The following FAT3 variants were observed in gnomAD, a reference collection of about 807,000 sequenced individuals.
FAT3 encodes protocadherin Fat 3.
Under a neutral mutation model 310.2 loss-of-function variants are expected in FAT3, and 95 were observed. The ratio of observed to expected loss-of-function variants is 0.31; its 90% CI spans 0.26 to 0.36. The LOEUF (loss-of-function observed/expected upper bound fraction) is 0.36, where lower values mean the gene tolerates loss of function less well. Ranked by LOEUF, FAT3 falls within the 10% of genes least tolerant of loss-of-function variation. The pLI, the probability that FAT3 is intolerant of heterozygous loss-of-function variation, is 1.00. For missense variants in FAT3, 5,408 were observed against 5,715.6 expected, an observed-to-expected ratio of 0.95 and a Z score of 1.74; for synonymous variants, 2,314 against 2,192.9, an observed-to-expected ratio of 1.06 and a Z score of -1.54.
intron 10 of FAT3, among the ~76,000 whole-genome samples, chr11:92,803,529 G>A (rs1222939056): frequency 6.6e-6 from 1 of 152,184 alleles, no homozygotes; most frequent in African/African-American, 2.4e-5. Flanking sequence ...CAGTGGTGAA[G>A]GAAAGTGATA....
At chr11:92,867,250 A>T (rs1949273618) in intron 22 of FAT3, 41 bp downstream of exon 22, 2 of 1,496,656 alleles carry the variant, frequency 1.3e-6, no homozygotes, top group Middle Eastern at 2.3e-4. Context: ...TGGGGGTTTG[A>T]GGGGAGAGTG....
At chr11:92,234,729 G>T (rs777735193) in intron 1 of FAT3, among the ~76,000 whole-genome samples, 1 of 151,882 alleles carries the variant, frequency 6.6e-6, no homozygotes, top group Non-Finnish European at 1.5e-5. Flanking sequence ...TGGTGAAACC[G>T]TATCTCTACT....
At chr11:92,610,805 C>T (rs555421871) in intron 3 of FAT3, among the ~76,000 whole-genome samples, 1 of 152,316 alleles carries the variant, frequency 6.6e-6, no homozygotes, top group African/African-American at 2.4e-5. Flanking sequence ...TGCTCACTTA[C>T]AGTGCCTGGC....
chr11:92,537,209 C>T (rs943594428), intron 3 of FAT3, among the ~76,000 whole-genome samples: 7 of 152,188 alleles, frequency 4.6e-5, no homozygotes, highest in East Asian at 1.9e-4. Context: ...GCCCTGAGAC[C>T]GTCTCTATCT....
At chr11:92,520,061 A>G (rs1321803924) in intron 2 of FAT3, among the ~76,000 whole-genome samples, 1 of 152,158 alleles carries the variant, frequency 6.6e-6, no homozygotes, top group East Asian at 1.9e-4. Flanking sequence ...TTTATTTGTA[A>G]TGGTTAAAAA....
At chr11:92,429,920 C>T (rs185056728) in intron 2 of FAT3, among the ~76,000 whole-genome samples, 7 of 152,188 alleles carry the variant, frequency 4.6e-5, no homozygotes, top group Admixed American at 4.6e-4. Context: ...TGAATGTTGG[C>T]CTGTCTTGCT....
intron 13 of FAT3, among the ~76,000 whole-genome samples, chr11:92,820,047 A>G (rs1947920102): frequency 6.6e-6 from 1 of 152,200 alleles, no homozygotes; most frequent in East Asian, 1.9e-4. Context: ...AGCAGAAGTG[A>G]TGATATCACT....
chr11:92,339,018 G>T (rs1179750259), intron 1 of FAT3, among the ~76,000 whole-genome samples: 1 of 152,184 alleles, frequency 6.6e-6, no homozygotes, highest in Non-Finnish European at 1.5e-5. Context: ...CAGCAGAAGA[G>T]CTCTATGCAG....
chr11:92,732,833 C>G (rs1244534984), intron 4 of FAT3, among the ~76,000 whole-genome samples: 2 of 152,174 alleles, frequency 1.3e-5, no homozygotes, highest in Non-Finnish European at 2.9e-5. Flanking sequence ...ACAAATGACC[C>G]TCCACCTGTC....
intron 7 of FAT3, among the ~76,000 whole-genome samples, chr11:92,788,123 G>A (rs1565593529): frequency 6.6e-6 from 1 of 152,082 alleles, no homozygotes; most frequent in Non-Finnish European, 1.5e-5. Context: ...TGGATAATGG[G>A]AAAATGCACA....
At position 92,806,551 on chromosome 11, in the gene FAT3, G is replaced by A. The variant is rs367543703; in HGVS notation, c.9247+36G>A. The stretch of plus-strand genomic sequence containing the variant: ...ATTTATTATTGAGATAAATGTCATT[G>A]TTAATTCATGAGAGAAGTTAAACTT... On this transcript the variant is annotated intron_variant, in intron 12 of 27. Coordinates refer to ENST00000525166, the MANE Select transcript of FAT3 (RefSeq NM_001367949.2). 1.3e-5 allele frequency: 19 copies of A among 1,507,614 alleles called. 1 individual carries two copies. The African/African-American group carries it at 1.8e-4, about 14-fold the overall frequency. The allele number at this position is 1,507,614 out of a possible 1,614,324, so 93.4% of individuals were successfully genotyped here.
chr11:92,365,738 C>T (rs1949002253), intron 2 of FAT3, among the ~76,000 whole-genome samples: 1 of 152,206 alleles, frequency 6.6e-6, no homozygotes, highest in Non-Finnish European at 1.5e-5. Flanking sequence ...AGGCATTTCA[C>T]TGCCTTGAAA....
intron 2 of FAT3, among the ~76,000 whole-genome samples, chr11:92,372,909 C>T (rs1180474027): frequency 2.6e-5 from 4 of 152,126 alleles, no homozygotes; most frequent in Non-Finnish European, 5.9e-5. Context: ...ATCCGCCTGC[C>T]TCAGCCTCCC....
chr11:92,534,810 C>A (rs534356679), intron 3 of FAT3, among the ~76,000 whole-genome samples: 1 of 152,196 alleles, frequency 6.6e-6, no homozygotes, highest in African/African-American at 2.4e-5. Flanking sequence ...GAAAAACATA[C>A]AAATGTATTT....
At chr11:92,502,565 T>G (rs1398149251) in intron 2 of FAT3, among the ~76,000 whole-genome samples, 1 of 152,092 alleles carries the variant, frequency 6.6e-6, no homozygotes, top group Non-Finnish European at 1.5e-5. Context: ...ATTCACTTAG[T>G]GTTTTAAGAC....
At position 92,327,146 on chromosome 11, in the gene FAT3, G is replaced by C. The variant is rs151303692; in HGVS notation, c.-17-24950G>C. Among the ~76,000 whole-genome samples the C allele has an allele frequency of 1.6e-3, 250 of 151,934 alleles. 2 individuals carry two copies. The highest frequency in any genetic ancestry group is 5.9e-3 in the African/African-American group (244 of 41,476). On this transcript the variant is annotated intron_variant, in intron 1 of 27. Transcript: ENST00000525166. Reference sequence around the variant, plus strand: ...ACTTATTACTGAATTTTTCTTTTTTGTCTGTGTTGAAAAGAAAAAGGTGGA... The same window carrying C: ...ACTTATTACTGAATTTTTCTTTTTTCTCTGTGTTGAAAAGAAAAAGGTGGA...
At chr11:92,598,230 A>ATATATATAT (rs756896313) in intron 3 of FAT3, among the ~76,000 whole-genome samples, 23 of 134,430 alleles carry the variant, frequency 1.7e-4, no homozygotes, top group Non-Finnish European at 2.5e-4. Flanking sequence ...ATATATATAT[A>ATATATATAT]TTTTTTTTTT....
At chr11:92,458,213 T>A (rs928149402) in intron 2 of FAT3, among the ~76,000 whole-genome samples, 1 of 152,226 alleles carries the variant, frequency 6.6e-6, no homozygotes, top group Admixed American at 6.5e-5. Context: ...GGAATTTTAC[T>A]GTATTTTTGC....
At chr11:92,420,446 G>C (rs1426468367) in intron 2 of FAT3, among the ~76,000 whole-genome samples, 1 of 152,114 alleles carries the variant, frequency 6.6e-6, no homozygotes, top group Non-Finnish European at 1.5e-5. Context: ...AGTTCAGGGG[G>C]ACATTCTATA....
Sources: allele counts gnomAD v4.1 joint callset (sites outside exome capture counted in the v4.1 genomes callset), GRCh38; gene constraint gnomAD v4.1.1; transcripts MANE v1.5; gene names NCBI Gene and HGNC (gene_info 2026-07-23, HGNC 2026-07-21).